Variants in ARHGAP15 observed in about 807,000 individuals in gnomAD.
ARHGAP15 encodes rho GTPase-activating protein 15.
ARHGAP15 carries 51 observed loss-of-function variants against 63.7 expected under a neutral mutation model. That is an observed-to-expected ratio of 0.80 (90% CI 0.64 to 1.01). ARHGAP15 has a LOEUF of 1.01. ARHGAP15 is among the 50% of genes least tolerant of loss of function. The probability of loss-of-function intolerance (pLI) is 0.00; values close to 1 mark genes in which losing one functional copy is unlikely to be tolerated. For synonymous variants in ARHGAP15, 191 were observed against 193.8 expected (o/e 0.99, Z 0.12); for missense variants, 560 against 564.6 (o/e 0.99, Z 0.08).
chr2:143,700,358 A>G (rs1435388834), intron 12 of ARHGAP15, among the ~76,000 whole-genome samples: 1 of 152,174 alleles, frequency 6.6e-6, no homozygotes, highest in African/African-American at 2.4e-5. Context: ...CATGTTCCCT[A>G]TAAGTAAAGT....
intron 1 of ARHGAP15, among the ~76,000 whole-genome samples, chr2:143,151,981 G>A (rs1689842660): frequency 6.6e-6 from 1 of 151,834 alleles, no homozygotes; most frequent in Admixed American, 6.6e-5. Context: ...TCCGGCAGCA[G>A]GGCTCTGCTT....
At chr2:143,386,154 T>C (rs900771075) in intron 6 of ARHGAP15, among the ~76,000 whole-genome samples, 1 of 152,246 alleles carries the variant, frequency 6.6e-6, no homozygotes, top group East Asian at 1.9e-4. Flanking sequence ...TTGAGGTATA[T>C]TACAGCCTGA....
intron 8 of ARHGAP15, among the ~76,000 whole-genome samples, chr2:143,479,874 CAAA>C (rs5834953): frequency 6.7e-6 from 1 of 149,688 alleles, no homozygotes; most frequent in African/African-American, 2.5e-5. Flanking sequence ...ACCTGTGACG[CAAA>C]AAAAAAAAGT....
chr2:143,388,613 TATACATAC>T (rs772022529), intron 6 of ARHGAP15, among the ~76,000 whole-genome samples: 41 of 152,130 alleles, frequency 2.7e-4, no homozygotes, highest in Non-Finnish European at 4.9e-4. Flanking sequence ...ATGTATAAAC[TATACATAC>T]ATACATACAT....
chr2:143,494,208 A>G (rs989431881), intron 9 of ARHGAP15, among the ~76,000 whole-genome samples: 8 of 151,868 alleles, frequency 5.3e-5, no homozygotes, highest in African/African-American at 1.9e-4. Flanking sequence ...TTTTTATGTG[A>G]TCATTAGATC....
intron 11 of ARHGAP15, among the ~76,000 whole-genome samples, chr2:143,605,299 T>C (rs1559076158): frequency 2.0e-5 from 3 of 152,214 alleles, no homozygotes. Context: ...ACTTGAAGGA[T>C]GGAGCTCTGA....
chr2:143,240,267 C>A (rs1303476006), intron 5 of ARHGAP15, among the ~76,000 whole-genome samples: 1 of 151,812 alleles, frequency 6.6e-6, no homozygotes, highest in East Asian at 1.9e-4. Flanking sequence ...AATGAACACA[C>A]ACATTAATTA....
chr2:143,479,473 T>A (rs1344338023), intron 8 of ARHGAP15, among the ~76,000 whole-genome samples: 1 of 152,132 alleles, frequency 6.6e-6, no homozygotes, highest in Non-Finnish European at 1.5e-5. Flanking sequence ...TCTTTCCTCA[T>A]GGAAAACATA....
intron 9 of ARHGAP15, among the ~76,000 whole-genome samples, chr2:143,508,993 T>C (rs925717946): frequency 2.0e-5 from 3 of 152,194 alleles, no homozygotes; most frequent in African/African-American, 7.2e-5. Context: ...AACTTTTCTC[T>C]TCTGTCAGTC....
chr2:143,730,945 T>TTAA (rs34135034), intron 13 of ARHGAP15, among the ~76,000 whole-genome samples: 61,771 of 114,888 alleles, frequency 0.54, 19,202 homozygotes, highest in South Asian at 0.66. Flanking sequence ...TTTTTTTTTT[T>TTAA]TGATTCAGTG....
chr2:143,308,477 AACACACACACACAC>A (rs4008341), intron 6 of ARHGAP15, among the ~76,000 whole-genome samples: 19 of 149,170 alleles, frequency 1.3e-4, no homozygotes, highest in African/African-American at 3.7e-4. Flanking sequence ...GTTGATAAGA[AACACACACACACAC>A]ACACACACAC....
At chr2:143,726,450 T>C (rs981874961) in intron 13 of ARHGAP15, among the ~76,000 whole-genome samples, 4 of 152,134 alleles carry the variant, frequency 2.6e-5, no homozygotes, top group African/African-American at 9.7e-5. Flanking sequence ...AAAAAAGCTT[T>C]ATTTGAATGA....
intron 6 of ARHGAP15, among the ~76,000 whole-genome samples, chr2:143,252,428 C>G (rs989185397): frequency 1.3e-5 from 2 of 151,986 alleles, no homozygotes; most frequent in African/African-American, 2.4e-5. Flanking sequence ...ATATTAAAAA[C>G]TATTCTCACT....
intron 6 of ARHGAP15, among the ~76,000 whole-genome samples, chr2:143,374,311 T>TTGTGTC (rs2104923323): frequency 6.6e-6 from 1 of 152,286 alleles, no homozygotes; most frequent in East Asian, 1.9e-4. Flanking sequence ...GGAGCCACAC[T>TTGTGTC]ATTTGGTGTC....
chr2:143,323,849 C>A (rs1456572067), intron 6 of ARHGAP15, among the ~76,000 whole-genome samples: 1 of 133,090 alleles, frequency 7.5e-6, no homozygotes, highest in Non-Finnish European at 1.5e-5. Context: ...GAGCCGAGAT[C>A]GCACCACTGC....
Position 143,508,831 on chromosome 2 carries a change from G to C in ARHGAP15, c.827-10435G>C, listed in dbSNP as rs150790862. ...GCACTAGTCAGACCAAAATTAGATT[G>C]ACATCTATTTCCAGGTGAGTTTAGG... On this transcript the variant is annotated intron_variant, in intron 9 of 13. Coordinates refer to ENST00000295095, the MANE Select transcript of ARHGAP15 (RefSeq NM_018460.4). Among the ~76,000 whole-genome samples the C allele has an allele frequency of 3.2e-3, 488 of 152,294 alleles. 3 individuals are homozygous for C. The highest frequency in any genetic ancestry group is 0.011 in the African/African-American group (441 of 41,562).
chr2:143,255,546 AT>A (rs1680376289), intron 6 of ARHGAP15, among the ~76,000 whole-genome samples: 1 of 150,702 alleles, frequency 6.6e-6, no homozygotes, highest in African/African-American at 2.5e-5. Flanking sequence ...TCTGATCTGA[AT>A]ATGTCTTATC....
chr2:143,334,703 T>G (rs1159439039), intron 6 of ARHGAP15, among the ~76,000 whole-genome samples: 1 of 152,210 alleles, frequency 6.6e-6, no homozygotes, highest in Non-Finnish European at 1.5e-5. Context: ...CTCAAATATT[T>G]CATACTAAAG....
At chr2:143,703,614 C>A in intron 13 of ARHGAP15, 90 bp downstream of exon 13, 2 of 928,824 alleles carry the variant, frequency 2.2e-6, no homozygotes, top group Non-Finnish European at 1.6e-6. Flanking sequence ...CAAGAGTTTC[C>A]AAATGCGTAC....
Sources: gnomAD v4.1 joint callset for allele counts (sites outside exome capture counted in the v4.1 genomes callset) on GRCh38, gnomAD v4.1.1 for gene constraint, MANE v1.5 for transcripts, NCBI Gene and HGNC (gene_info 2026-07-23, HGNC 2026-07-21) for gene names.